Variants in DMXL1 observed in about 807,000 individuals in gnomAD.
DMXL1 encodes Dmx like 1.
A neutral mutation model predicts 319.2 loss-of-function variants in DMXL1; 99 were observed. The observed-to-expected ratio is 0.31, with a 90% CI of 0.26 to 0.37. DMXL1 has a LOEUF of 0.37. DMXL1 is among the 10% of genes least tolerant of loss of function. DMXL1 has a pLI of 1.00. For synonymous variants in DMXL1, 1,385 were observed against 1,235.2 expected (o/e 1.12, Z -2.54); for missense variants, 3,745 against 3,595.6 (o/e 1.04, Z -1.06).
At position 119,177,483 on chromosome 5, in the gene DMXL1, A is replaced by G. The variant is rs765119007; in HGVS notation, c.6885A>G (p.Pro2295=). 3.8e-6 allele frequency: 6 copies of G among 1,594,562 alleles called. No homozygotes were observed. In the Admixed American group the frequency reaches 1.1e-4, roughly 29 times the overall value. Residue 2295 remains proline, a splice_region_variant and synonymous_variant, in exon 27 of 44, where the codon CCA becomes CCG. Coordinates refer to ENST00000539542, the MANE Select transcript of DMXL1 (RefSeq NM_001290321.3). The part of the protein sequence containing the change: ...LTPNTSPAQW[P]GITCLIRLLN... ...CCAATACGTCACCAGCTCAATGGCC[A>G]GGTATAATTTTTATGTATAGATCAG... is the stretch of plus-strand genomic sequence containing the variant.
chr5:119,140,593 C>T (rs1390855022), intron 13 of DMXL1, among the ~76,000 whole-genome samples: 2 of 152,046 alleles, frequency 1.3e-5, no homozygotes, highest in East Asian at 3.8e-4. Flanking sequence ...CTAATACGAG[C>T]TCCGAAATTG....
At chr5:119,163,703 G>A (rs181844841) in intron 19 of DMXL1, among the ~76,000 whole-genome samples, 4 of 152,222 alleles carry the variant, frequency 2.6e-5, no homozygotes, top group East Asian at 1.9e-4. Context: ...ATTCTCCTGC[G>A]TCAGCCTATC....
chr5:119,114,667 T>C (rs1760429405), intron 6 of DMXL1, 126 bp downstream of exon 6: 1 of 733,894 alleles, frequency 1.4e-6, no homozygotes. Flanking sequence ...TAAAAATTGT[T>C]TTTTTTGTTT....
intron 9 of DMXL1, among the ~76,000 whole-genome samples, chr5:119,125,753 G>A (rs1266256046): frequency 6.6e-6 from 1 of 151,822 alleles, no homozygotes; most frequent in East Asian, 1.9e-4. Context: ...TTTAATAAAG[G>A]CGGGGTTTCA....
chr5:119,178,630 T>C, intron 28 of DMXL1: 1 of 985,426 alleles, frequency 1.0e-6, no homozygotes, highest in Non-Finnish European at 1.2e-6. Context: ...CCATGGAATG[T>C]GTGGGCTTTT....
chr5:119,243,872 A>G (rs944822279), intron 42 of DMXL1, among the ~76,000 whole-genome samples: 3 of 152,222 alleles, frequency 2.0e-5, no homozygotes, highest in African/African-American at 4.8e-5. Flanking sequence ...GATGGCAAGC[A>G]TTGTGAATTT....
Position 119,133,619 on chromosome 5 carries a change from A to C in DMXL1, c.1695A>C (p.Lys565Asn). 1 of 1,614,126 alleles carries C rather than the reference A, an allele frequency of 6.2e-7. No homozygotes were observed. Among genetic ancestry groups the C allele is most frequent in the Non-Finnish European group, 8.5e-7 (1 of 1,180,010 alleles). The change falls in exon 12 of 44, where the codon AAA becomes AAC. Residue 565 changes from lysine to asparagine, a missense_variant. Physicochemically the swap from Lys to Asn is moderately conservative, Grantham distance 94 (BLOSUM62 0). Around this residue, in one of 4 missense-constraint regions of DMXL1, gnomAD observed 2,096 missense variants for 1,985.4 expected, o/e 1.06. Transcript: ENST00000539542. ...VDLAIQQGKQ[K>N]PSGLTRSTSM... Reference sequence around the variant, plus strand: ...TGGCTATTCAGCAGGGGAAACAAAAACCTTCTGGCCTCACCCGTTCCACAT... The same window carrying C: ...TGGCTATTCAGCAGGGGAAACAAAACCCTTCTGGCCTCACCCGTTCCACAT...
rs748537498 is a variant in DMXL1, at chr5:119,149,547, A to G, written c.3720A>G (p.Gln1240=). The G allele has an allele frequency of 1.5e-5, 24 of 1,613,816 alleles. No homozygotes were observed. The highest frequency in any genetic ancestry group is 1.4e-4 in the South Asian group (13 of 91,082). Residue 1240 remains glutamine (Q), a synonymous_variant, in exon 18 of 44, where the codon CAA becomes CAG. Transcript: ENST00000539542. ...ACTGTGAAATGCATGTGTATTGCCA[A>G]TGGCAACCATCTTCTAAACAAGAAC... ...GMDCEMHVYC[Q]WQPSSKQEPV...
rs1458248216 is a variant in DMXL1 at position 119,220,417 on chromosome 5, T to A, written c.8014-55T>A. ...AACTACCATTTTCAAAAGCAGCTCA[T>A]ATACTATCTCTTTTGCCTATTGCTT... On this transcript the variant is annotated intron_variant, in intron 35 of 43. Coordinates refer to ENST00000539542, the MANE Select transcript of DMXL1 (RefSeq NM_001290321.3). 15 of 1,561,852 alleles carry A rather than the reference T, an allele frequency of 9.6e-6. No homozygotes were observed. The East Asian group carries it at 3.4e-4, about 35-fold the overall frequency.
chr5:119,239,817 C>T (rs2150732298), intron 41 of DMXL1, among the ~76,000 whole-genome samples: 1 of 151,326 alleles, frequency 6.6e-6, no homozygotes, highest in African/African-American at 2.4e-5. Context: ...ATTAGCCAGG[C>T]GTGGTGGCAG....
At chr5:119,220,794 G>A (rs1367976199) in intron 36 of DMXL1, 146 bp from the exon 37 acceptor site, 10 of 1,134,694 alleles carry the variant, frequency 8.8e-6, no homozygotes, top group Non-Finnish European at 2.5e-6. Flanking sequence ...AATTGTTGAG[G>A]TATGAGGTCA....
At chr5:119,203,268 T>C (rs1344339314) in intron 32 of DMXL1, 51 bp from the exon 33 acceptor site, 1 of 1,174,690 alleles carries the variant, frequency 8.5e-7, no homozygotes, top group Non-Finnish European at 1.2e-6. Context: ...GTTATCAAGT[T>C]AGTCAGAAAT....
intron 19 of DMXL1, among the ~76,000 whole-genome samples, chr5:119,160,791 G>A (rs1772108411): frequency 6.6e-6 from 1 of 151,980 alleles, no homozygotes; most frequent in African/African-American, 2.4e-5. Context: ...TCCTTTCACA[G>A]TTTTTGACTT....
intron 30 of DMXL1, among the ~76,000 whole-genome samples, chr5:119,195,002 T>C (rs1779356827): frequency 6.6e-6 from 1 of 151,850 alleles, no homozygotes; most frequent in Admixed American, 6.6e-5. Context: ...CATTAATCAT[T>C]AGAGAAATGC....
At chr5:119,122,316 A>G (rs1271207862) in intron 9 of DMXL1, among the ~76,000 whole-genome samples, 1 of 113,060 alleles carries the variant, frequency 8.8e-6, no homozygotes, top group Admixed American at 9.1e-5. Context: ...CGGGGGGCTG[A>G]CCCCCCCACC....
At chr5:119,096,357 G>A (rs1263168135) in intron 1 of DMXL1, among the ~76,000 whole-genome samples, 1 of 151,934 alleles carries the variant, frequency 6.6e-6, no homozygotes, top group Non-Finnish European at 1.5e-5. Context: ...TGTATTTTTA[G>A]TAGAGACGGG....
At position 119,178,045 on chromosome 5, in the gene DMXL1, G is replaced by T; in HGVS notation, c.6936G>T (p.Gln2312His). 1.2e-6 allele frequency: 2 copies of T among 1,612,496 alleles called. No individual in the cohort carries two copies. Among genetic ancestry groups the T allele is most frequent in the Middle Eastern group, 3.3e-4 (2 of 6,052 alleles). Reference sequence around the variant, plus strand: ...TGAATTCTTCTGGCGAGGAAGCCCAGTCAGGGCTTACAGTCTTGCTCTGTG... The same window carrying T: ...TGAATTCTTCTGGCGAGGAAGCCCATTCAGGGCTTACAGTCTTGCTCTGTG... ...RLLNSSGEEAQSGLTVLLCEI... is the reference protein window; with the variant it reads ...RLLNSSGEEAHSGLTVLLCEI... Residue 2312 changes from glutamine (Q) to histidine (H), a missense_variant, in exon 28 of 44, where the codon CAG becomes CAT. Transcript: ENST00000539542.
At chr5:119,098,125 A>G (rs1308419787) in intron 2 of DMXL1, 21 bp downstream of exon 2, 15 of 1,593,478 alleles carry the variant, frequency 9.4e-6, no homozygotes, top group African/African-American at 4.1e-5. Flanking sequence ...TTCTTCTAAT[A>G]TACAAATTTG....
At position 119,133,623 on chromosome 5, in the gene DMXL1, T is replaced by G; in HGVS notation, c.1699T>G (p.Ser567Ala). 6.2e-7 allele frequency: 1 copy of G among 1,614,216 alleles called. No homozygotes were observed. Among genetic ancestry groups the G allele is most frequent in the Non-Finnish European group, 8.5e-7 (1 of 1,180,038 alleles). ...LAIQQGKQKP[S>A]GLTRSTSMLI... is the part of the protein sequence containing the mutation. ...TATTCAGCAGGGGAAACAAAAACCT[T>G]CTGGCCTCACCCGTTCCACATCAAT... The change falls in exon 12 of 44, where the codon TCT becomes GCT. Residue 567 changes from serine (S) to alanine (A), a missense_variant. Transcript: ENST00000539542.
Sources: gnomAD v4.1 joint callset for allele counts (sites outside exome capture counted in the v4.1 genomes callset) on GRCh38, gnomAD v4.1.1 for gene constraint, gnomAD v4.1.1 regional missense constraint, MANE v1.5 for transcripts, NCBI Gene and HGNC (gene_info 2026-07-23, HGNC 2026-07-21) for gene names.